The following DIPK1C variants were observed in gnomAD, a reference collection of about 807,000 sequenced individuals.
The protein encoded by DIPK1C is divergent protein kinase domain 1C.
Under a neutral mutation model 28.0 loss-of-function variants are expected in DIPK1C, and 33 were observed. The observed-to-expected ratio is 1.18, with a 90% CI of 0.89 to 1.58. The LOEUF (loss-of-function observed/expected upper bound fraction) is 1.58, where lower values mean the gene tolerates loss of function less well. Among genes scored for constraint, DIPK1C ranks in the 40% most tolerant of loss-of-function variants. The pLI is 0.00. For missense variants in DIPK1C, 569 were observed against 568.5 expected (o/e 1.00, Z -0.01); for synonymous variants, 255 against 248.8 (o/e 1.02, Z -0.23).
chr18:74,454,116 G>C (rs1294341137), intron 1 of DIPK1C, among the ~76,000 whole-genome samples: 1 of 152,214 alleles, frequency 6.6e-6, no homozygotes, highest in Non-Finnish European at 1.5e-5. Context: ...AGAGATCTGA[G>C]TGCACCTATT....
rs1421197017 is a variant in DIPK1C, at chr18:74,447,202, A to G, written c.280T>C (p.Cys94Arg). ...CVAGELLFQR[C>R]LHYNRGKKVL... ...TTCTTGCCTCTGTTGTAGTGCAGGCAGCGTTGGAACAGCAGCTCTCCCGCC... is the reference window on the plus strand; with the variant it reads ...TTCTTGCCTCTGTTGTAGTGCAGGCGGCGTTGGAACAGCAGCTCTCCCGCC... The change falls in exon 2 of 4, where the codon TGC becomes CGC. Residue 94 changes from cysteine (C) to arginine (R), a missense_variant. Transcript: ENST00000343998. This position sits in a 1 kb window ranked among gnomAD's most constrained non-coding sequence, Gnocchi z 4.1. The G allele has an allele frequency of 6.4e-7, 1 of 1,550,392 alleles. No individual in the cohort carries two copies. The highest frequency in any genetic ancestry group is 2.0e-5 in the Admixed American group (1 of 50,992).
Position 74,447,325 on chromosome 18 carries a change from G to T in DIPK1C, c.199-42C>A. The T allele has an allele frequency of 6.8e-7, 1 of 1,471,858 alleles. No individual in the cohort carries two copies. Among genetic ancestry groups the T allele is most frequent in the South Asian group, 1.4e-5 (1 of 73,306 alleles). The allele number at this position is 1,471,858 out of a possible 1,614,324, so 91.2% of individuals were successfully genotyped here. On this transcript the variant is annotated intron_variant, in intron 1 of 3. Coordinates refer to ENST00000343998, the MANE Select transcript of DIPK1C (RefSeq NM_001044369.3). This position sits in a 1 kb window ranked among gnomAD's most constrained non-coding sequence, Gnocchi z 4.1. ...AGTCGGTCACCATGGGGAGGGCCTG[G>T]TGCCATCCGTCTCTCGGCTCGGGTT...
At chr18:74,449,808 T>C (rs1319078823) in intron 1 of DIPK1C, among the ~76,000 whole-genome samples, 1 of 152,218 alleles carries the variant, frequency 6.6e-6, no homozygotes, top group Non-Finnish European at 1.5e-5. Context: ...TTAAACACAT[T>C]TGGAGTTGTG....
At chr18:74,455,620 C>A (rs1451181443) in intron 1 of DIPK1C, among the ~76,000 whole-genome samples, 1 of 150,948 alleles carries the variant, frequency 6.6e-6, no homozygotes, top group East Asian at 2.0e-4. Flanking sequence ...GACAAACCAC[C>A]ATCTCTATTA....
Position 74,435,485 on chromosome 18 carries a change from G to T in DIPK1C, c.*1016C>A, listed in dbSNP as rs1985967252. The stretch of plus-strand genomic sequence containing the variant: ...TGGTCTTCAATCCATCAAAAGAAAG[G>T]TGCTGGTCTCTGGTCCTGCCTGGAG... On this transcript the variant is annotated 3_prime_UTR_variant, in exon 4 of 4. Transcript: ENST00000343998. 1 of 152,162 alleles carries T rather than the reference G, an allele frequency of 6.6e-6. No homozygotes were observed. Among genetic ancestry groups the T allele is most frequent in the Non-Finnish European group, 1.5e-5 (1 of 68,038 alleles). 9.4% of individuals were successfully genotyped at this position (152,162 alleles called of 1,614,324 possible).
upstream of DIPK1C, among the ~76,000 whole-genome samples, chr18:74,458,940 C>CAAGAAAAAAAA (rs1986576378): frequency 2.4e-5 from 3 of 123,366 alleles, no homozygotes; most frequent in African/African-American, 8.6e-5. Flanking sequence ...CCAACCTGGG[C>CAAGAAAAAAAA]AAAAAAAAAA....
At chr18:74,451,024 A>G in intron 1 of DIPK1C, among the ~76,000 whole-genome samples, 1 of 152,152 alleles carries the variant, frequency 6.6e-6, no homozygotes, top group Admixed American at 6.5e-5. Context: ...GCTCGCTCAA[A>G]GCTAGCTCCC....
At chr18:74,462,555 C>G (rs184945477), upstream of DIPK1C, among the ~76,000 whole-genome samples, 2 of 152,132 alleles carry the variant, frequency 1.3e-5, no homozygotes, top group African/African-American at 4.8e-5. Flanking sequence ...CTATTGTACA[C>G]TGTGTACACA....
intron 3 of DIPK1C, among the ~76,000 whole-genome samples, chr18:74,440,814 A>C (rs911447385): frequency 6.6e-6 from 1 of 152,240 alleles, no homozygotes; most frequent in Non-Finnish European, 1.5e-5. Flanking sequence ...TTCTTCCCAC[A>C]GCTCAAGAAG....
chr18:74,457,256 C>T lies in DIPK1C; in HGVS notation c.4G>A (p.Ala2Thr). 2.0e-6 allele frequency: 2 copies of T among 997,260 alleles called. No homozygotes were observed. The highest frequency in any genetic ancestry group is 1.7e-5 in the African/African-American group (1 of 57,166). 61.8% of individuals were successfully genotyped at this position (997,260 alleles called of 1,614,324 possible). M[A>T]RAAGARGPAG... ...GGGCCCCGCGCGCCCGCCGCCCGCG[C>T]CATGGCCAGCCCTGCCCGCGCCCGG... Residue 2 changes from alanine to threonine, a missense_variant, in exon 1 of 4, where the codon GCG becomes ACG. By Grantham distance (58) the Ala-to-Thr change is moderately conservative. Coordinates refer to ENST00000343998, the MANE Select transcript of DIPK1C (RefSeq NM_001044369.3).
intron 1 of DIPK1C, among the ~76,000 whole-genome samples, chr18:74,455,323 C>T (rs1205171513): frequency 6.6e-6 from 1 of 152,130 alleles, no homozygotes; most frequent in East Asian, 1.9e-4. Context: ...AGGATTACTA[C>T]ATTAAATTTG....
In DIPK1C at chr18:74,435,307, G is replaced by A. The variant is rs1985963064; in HGVS notation, c.*1194C>T. 1.3e-5 allele frequency: 2 copies of A among 152,156 alleles called. No individual in the cohort carries two copies. The highest frequency in any genetic ancestry group is 2.4e-5 in the African/African-American group (1 of 41,432). 9.4% of individuals were successfully genotyped at this position (152,156 alleles called of 1,614,324 possible). A position where few individuals can be genotyped will look rare whatever the true frequency, so the allele number is the denominator to read the frequency against. On this transcript the variant is annotated 3_prime_UTR_variant, in exon 4 of 4. Transcript: ENST00000343998. The stretch of plus-strand genomic sequence containing the variant: ...CCCGTTGGTTTGTTGAGCACTCGTG[G>A]GTCACAGTTATGGGTAGAAACCAGG...
At chr18:74,453,893 G>A (rs1317473779) in intron 1 of DIPK1C, among the ~76,000 whole-genome samples, 1 of 152,118 alleles carries the variant, frequency 6.6e-6, no homozygotes, top group African/African-American at 2.4e-5. Context: ...AGAGGTTGTT[G>A]AGGGAATTCA....
At chr18:74,449,820 A>G (rs533279978) in intron 1 of DIPK1C, among the ~76,000 whole-genome samples, 2 of 152,146 alleles carry the variant, frequency 1.3e-5, no homozygotes, top group South Asian at 2.1e-4. Flanking sequence ...GGAGTTGTGC[A>G]CCTCCTGTGT....
rs755765487 is a variant in DIPK1C, at chr18:74,457,143, G to T, written c.117C>A (p.Ala39=). The stretch of plus-strand genomic sequence containing the variant: ...CCGGGTGCGCGCGGAGCAGCAGCGC[G>T]GCCGCCAGCACCCAGCCCGCGGTCC... ...AAWTAGWVLA[A]ALLLRAHPGV... The change falls in exon 1 of 4, where the codon GCC becomes GCA. Residue 39 remains alanine (A), a synonymous_variant. Coordinates refer to ENST00000343998, the MANE Select transcript of DIPK1C (RefSeq NM_001044369.3). The T allele has an allele frequency of 2.6e-4, 373 of 1,429,502 alleles. 3 individuals carry two copies. The Middle Eastern group carries it at 3.5e-3, about 13-fold the overall frequency. 88.6% of individuals were successfully genotyped at this position (1,429,502 alleles called of 1,614,324 possible). A position where few individuals can be genotyped will look rare whatever the true frequency, so the allele number is the denominator to read the frequency against.
At chr18:74,459,011 G>A (rs1986578215), upstream of DIPK1C, among the ~76,000 whole-genome samples, 1 of 152,078 alleles carries the variant, frequency 6.6e-6, no homozygotes, top group Non-Finnish European at 1.5e-5. Flanking sequence ...GGTAGAGGCA[G>A]GGGACCTGCT....
chr18:74,443,202 G>T (rs908426626), intron 2 of DIPK1C, among the ~76,000 whole-genome samples: 2 of 152,200 alleles, frequency 1.3e-5, no homozygotes, highest in African/African-American at 2.4e-5. Context: ...ACCAGAGAGA[G>T]AATAACTTCT....
chr18:74,458,565 G>T (rs1274152643), upstream of DIPK1C, among the ~76,000 whole-genome samples: 1 of 57,622 alleles, frequency 1.7e-5, no homozygotes, highest in African/African-American at 8.1e-5. Flanking sequence ...AAGCACTTCG[G>T]GCACATCACA....
the DIPK1C span, among the ~76,000 whole-genome samples, chr18:74,464,361 A>C: frequency 6.6e-6 from 1 of 152,244 alleles, no homozygotes; most frequent in African/African-American, 2.4e-5. Context: ...CCAGATTTTT[A>C]AAAATAGAAT....
Sources: gnomAD v4.1 joint callset for allele counts (sites outside exome capture counted in the v4.1 genomes callset) on GRCh38, gnomAD v4.1.1 for gene constraint, Gnocchi (gnomAD v3.1) non-coding constraint, MANE v1.5 for transcripts, NCBI Gene and HGNC (gene_info 2026-07-23, HGNC 2026-07-21) for gene names.